Variants in TBL1XR1 observed in about 807,000 individuals in gnomAD.
TBL1XR1 encodes the protein F-box-like/WD repeat-containing protein TBL1XR1.
TBL1XR1 carries 5 observed loss-of-function variants against 66.9 expected under a neutral mutation model. That is an observed-to-expected ratio of 0.07 (90% confidence interval 0.04 to 0.16). TBL1XR1 has a LOEUF of 0.16. TBL1XR1 is among the 10% of genes least tolerant of loss of function. The pLI, the probability that TBL1XR1 is intolerant of heterozygous loss-of-function variation, is 1.00. For missense variants in TBL1XR1, 238 were observed against 623.2 expected (o/e 0.38, Z 6.58); for synonymous variants, 210 against 206.0 (o/e 1.02, Z -0.17).
intron 1 of TBL1XR1, among the ~76,000 whole-genome samples, chr3:177,116,379 C>T (rs953321914): frequency 6.6e-6 from 1 of 152,106 alleles, no homozygotes; most frequent in Non-Finnish European, 1.5e-5. Context: ...TGTAAGTAAG[C>T]ACTAAGCACC....
intron 10 of TBL1XR1, among the ~76,000 whole-genome samples, chr3:177,040,642 T>A (rs778597926): frequency 1.3e-5 from 2 of 152,180 alleles, no homozygotes; most frequent in Non-Finnish European, 2.9e-5. Flanking sequence ...TGAGATTTTT[T>A]TTTTTTAAAA....
chr3:177,042,663 A>G lies in TBL1XR1; in HGVS notation c.925+3466T>C, dbSNP rs1027459827. 2.0e-5 allele frequency among the ~76,000 whole-genome samples: 3 copies of G among 152,284 alleles called. No homozygotes were observed. The East Asian group carries it at 5.8e-4, about 29-fold the overall frequency. On this transcript the variant is annotated intron_variant, in intron 10 of 15. Transcript: ENST00000457928. ...AAAGAAATATCTAACATAAAAAAAA[A>G]TTTTATGTACCTGACAAGTGAGAGA... is the stretch of plus-strand genomic sequence containing the variant.
chr3:177,134,025 C>A (rs541185989), intron 1 of TBL1XR1, among the ~76,000 whole-genome samples: 1 of 152,080 alleles, frequency 6.6e-6, no homozygotes, highest in East Asian at 1.9e-4. Flanking sequence ...TTTTCTTCCC[C>A]GGGCAAAGGA....
chr3:177,168,341 G>A (rs1175152080), intron 1 of TBL1XR1, among the ~76,000 whole-genome samples: 2 of 151,300 alleles, frequency 1.3e-5, no homozygotes, highest in East Asian at 3.9e-4. Context: ...GAGTGCAGTG[G>A]TGCAATCTCG....
intron 2 of TBL1XR1, among the ~76,000 whole-genome samples, chr3:177,090,507 C>A (rs1184401268): frequency 7.6e-6 from 1 of 131,634 alleles, no homozygotes; most frequent in African/African-American, 3.0e-5. Flanking sequence ...CAGGGAGACA[C>A]TGTCTCTACT....
intron 3 of TBL1XR1, among the ~76,000 whole-genome samples, chr3:177,059,863 G>A (rs891777414): frequency 6.6e-6 from 1 of 152,200 alleles, no homozygotes; most frequent in Non-Finnish European, 1.5e-5. Flanking sequence ...TGCCAGCACA[G>A]CTAGGATAAA....
At chr3:177,162,964 C>T (rs1158507218) in intron 1 of TBL1XR1, among the ~76,000 whole-genome samples, 1 of 152,174 alleles carries the variant, frequency 6.6e-6, no homozygotes, top group African/African-American at 2.4e-5. Context: ...ACCGGTACAG[C>T]CTCTGTGAAG....
At chr3:177,153,393 C>T (rs1275981356) in intron 1 of TBL1XR1, among the ~76,000 whole-genome samples, 1 of 152,088 alleles carries the variant, frequency 6.6e-6, no homozygotes, top group South Asian at 2.1e-4. Flanking sequence ...AATACGCATG[C>T]ACATATAAGA....
rs969494451 is a variant in TBL1XR1, at chr3:177,019,986, A to G, written c.*5512T>C. 4 of 61,354 alleles carry G rather than the reference A, an allele frequency of 6.5e-5. No individual in the cohort carries two copies. Among genetic ancestry groups the G allele is most frequent in the Non-Finnish European group, 1.4e-4 (4 of 28,540 alleles). The allele number at this position is 61,354 out of a possible 1,614,324, so 3.8% of individuals were successfully genotyped here. On this transcript the variant is annotated 3_prime_UTR_variant, in exon 16 of 16. Transcript: ENST00000457928. Reference sequence around the variant, plus strand: ...GAAGACCTAGAGAGTGTAAATTCTTAAAAAAAAAAAAAAGAAAATATGCTC... The same window carrying G: ...GAAGACCTAGAGAGTGTAAATTCTTGAAAAAAAAAAAAAGAAAATATGCTC...
intron 1 of TBL1XR1, among the ~76,000 whole-genome samples, chr3:177,119,126 C>T (rs1333533193): frequency 6.6e-6 from 1 of 152,140 alleles, no homozygotes. Context: ...CACCTGCCAC[C>T]ACACCCGGCT....
intron 1 of TBL1XR1, among the ~76,000 whole-genome samples, chr3:177,196,690 G>C (rs1322299291): frequency 1.3e-5 from 2 of 151,750 alleles, no homozygotes; most frequent in Non-Finnish European, 2.9e-5. Context: ...TCGGCCTCAT[G>C]ATGGCTCCTT....
chr3:177,089,132 A>G (rs1009843516), intron 2 of TBL1XR1, among the ~76,000 whole-genome samples: 2 of 152,206 alleles, frequency 1.3e-5, no homozygotes, highest in Admixed American at 6.5e-5. Context: ...GAGAGAAGAT[A>G]TGTTAACAAA....
chr3:177,138,065 C>T (rs980957778), intron 1 of TBL1XR1, among the ~76,000 whole-genome samples: 1 of 152,134 alleles, frequency 6.6e-6, no homozygotes, highest in Non-Finnish European at 1.5e-5. Flanking sequence ...GAAAGTAAAA[C>T]AGACTGACAA....
intron 1 of TBL1XR1, among the ~76,000 whole-genome samples, chr3:177,111,271 A>T (rs942277108): frequency 6.9e-6 from 1 of 144,080 alleles, no homozygotes; most frequent in African/African-American, 2.6e-5. Flanking sequence ...ACTATGATTG[A>T]TTTTTTTTTT....
intron 1 of TBL1XR1, among the ~76,000 whole-genome samples, chr3:177,149,174 G>A (rs774690542): frequency 5.3e-5 from 8 of 152,266 alleles, no homozygotes; most frequent in South Asian, 2.1e-4. Context: ...ATTGCAATGC[G>A]GAGTACCTGT....
intron 1 of TBL1XR1, among the ~76,000 whole-genome samples, chr3:177,174,589 G>GC (rs1337048756): frequency 6.6e-6 from 1 of 152,028 alleles, no homozygotes; most frequent in Non-Finnish European, 1.5e-5. Flanking sequence ...AAAAAGAGGA[G>GC]CAGTAGCAAG....
chr3:177,129,951 C>T (rs1405697723), intron 1 of TBL1XR1, among the ~76,000 whole-genome samples: 2 of 152,070 alleles, frequency 1.3e-5, no homozygotes, highest in Non-Finnish European at 2.9e-5. Context: ...TTAAGACCAG[C>T]CTGGCCAACA....
intron 4 of TBL1XR1, 89 bp from the exon 5 acceptor site, chr3:177,051,815 T>C (rs1359082689): frequency 7.3e-7 from 1 of 1,378,680 alleles, no homozygotes; most frequent in Admixed American, 3.3e-5. Context: ...GAAATGAAAA[T>C]CTTCGTTCCT....
chr3:177,179,117 CAA>C (rs71178099), intron 1 of TBL1XR1, among the ~76,000 whole-genome samples: 18 of 107,444 alleles, frequency 1.7e-4, no homozygotes, highest in African/African-American at 7.3e-4. Flanking sequence ...AACTACGTCT[CAA>C]AAAAAAAAAA....
Sources: gnomAD v4.1 joint callset for allele counts (sites outside exome capture counted in the v4.1 genomes callset) on GRCh38, gnomAD v4.1.1 for gene constraint, MANE v1.5 for transcripts, NCBI Gene and HGNC (gene_info 2026-07-23, HGNC 2026-07-21) for gene names.